The following PDE1C variants were observed in gnomAD, a reference collection of about 807,000 sequenced individuals.
The protein encoded by PDE1C is phosphodiesterase 1C.
Under a neutral mutation model 93.1 loss-of-function variants are expected in PDE1C, and 62 were observed. The observed-to-expected ratio is 0.67, with a 90% CI of 0.54 to 0.82. The LOEUF is 0.82. Among genes scored for constraint, PDE1C ranks in the 40% least tolerant of loss-of-function variants. The pLI, the probability that PDE1C is intolerant of heterozygous loss-of-function variation, is 0.00. For synonymous variants in PDE1C, 325 were observed against 310.1 expected, an observed-to-expected ratio of 1.05 and a Z score of -0.50; for missense variants, 742 against 884.6, an observed-to-expected ratio of 0.84 and a Z score of 2.04.
chr7:32,200,396 G>C (rs1417925369), intron 2 of PDE1C, among the ~76,000 whole-genome samples: 2 of 152,196 alleles, frequency 1.3e-5, no homozygotes, highest in East Asian at 1.9e-4. Context: ...CTTTCAGGTA[G>C]TTTCAATTGC....
At chr7:32,172,884 T>C (rs1232356286) in intron 2 of PDE1C, among the ~76,000 whole-genome samples, 1 of 112,852 alleles carries the variant, frequency 8.9e-6, no homozygotes, top group Non-Finnish European at 1.9e-5. Context: ...TGTGGAGAAA[T>C]AGGAACACTT....
At chr7:32,202,721 G>T (rs1429801415) in intron 2 of PDE1C, among the ~76,000 whole-genome samples, 1 of 152,144 alleles carries the variant, frequency 6.6e-6, no homozygotes, top group African/African-American at 2.4e-5. Flanking sequence ...ATGTGTCACA[G>T]GTCACTGGGG....
chr7:32,174,946 T>A (rs559976826), intron 2 of PDE1C, among the ~76,000 whole-genome samples: 1 of 152,268 alleles, frequency 6.6e-6, no homozygotes, highest in East Asian at 1.9e-4. Flanking sequence ...AACTACAAAT[T>A]CATCTAAAAC....
chr7:32,252,035 T>C (rs1809432847), intron 1 of PDE1C, among the ~76,000 whole-genome samples: 2 of 152,210 alleles, frequency 1.3e-5, no homozygotes. Flanking sequence ...CACCTCTCTA[T>C]AGAGCCAGGA....
At chr7:32,157,018 T>C (rs993621727) in intron 3 of PDE1C, among the ~76,000 whole-genome samples, 4 of 152,218 alleles carry the variant, frequency 2.6e-5, no homozygotes, top group Admixed American at 2.0e-4. Context: ...GTGTCACTTA[T>C]GTAGTATCCC....
chr7:32,346,822 G>T (rs1585119522), intron 1 of PDE1C, among the ~76,000 whole-genome samples: 2 of 152,286 alleles, frequency 1.3e-5, no homozygotes, highest in East Asian at 3.9e-4. Context: ...GGTAAAAGAA[G>T]TCAGAGTCAA....
chr7:31,659,091 A>G, the PDE1C span, among the ~76,000 whole-genome samples: 189 of 152,246 alleles, frequency 1.2e-3, no homozygotes, highest in African/African-American at 4.4e-3. Context: ...ATATTTTATA[A>G]CTGTGTAGTT....
At chr7:31,711,369 C>T in the PDE1C span, among the ~76,000 whole-genome samples, 1 of 152,180 alleles carries the variant, frequency 6.6e-6, no homozygotes, top group Non-Finnish European at 1.5e-5. Context: ...TTTCCCATTT[C>T]ATCTCATTTG....
rs2072425 is a variant in PDE1C at position 31,864,729 on chromosome 7, G to A, written c.750+213C>T. Among the ~76,000 whole-genome samples the A allele has an allele frequency of 0.1, 15,339 of 152,088 alleles. 1,106 individuals carry two copies. The highest frequency in any genetic ancestry group is 0.25 in the East Asian group (1,291 of 5,172). ...CAGTGAAGACGCAAATCACTACTAG[G>A]TATTTATCTCATCAGGCTCAGGATG... On this transcript the variant is annotated intron_variant, in intron 7 of 17. Coordinates refer to ENST00000396191, the MANE Select transcript of PDE1C (RefSeq NM_001191057.4).
At chr7:31,727,153 C>A in the PDE1C span, among the ~76,000 whole-genome samples, 4 of 152,130 alleles carry the variant, frequency 2.6e-5, no homozygotes, top group African/African-American at 9.7e-5. Context: ...CCAAATAATT[C>A]ATCACAAGCC....
the PDE1C span, among the ~76,000 whole-genome samples, chr7:31,662,243 T>G: frequency 6.6e-6 from 1 of 152,252 alleles, no homozygotes; most frequent in Non-Finnish European, 1.5e-5. Flanking sequence ...TCCGCTAAAA[T>G]GTCCTTAAAT....
At chr7:32,133,086 T>C (rs1395711652) in intron 3 of PDE1C, among the ~76,000 whole-genome samples, 1 of 152,124 alleles carries the variant, frequency 6.6e-6, no homozygotes, top group Non-Finnish European at 1.5e-5. Flanking sequence ...AATAAAAAAG[T>C]TGAATATTTG....
At chr7:31,703,977 T>C in the PDE1C span, among the ~76,000 whole-genome samples, 5 of 152,190 alleles carry the variant, frequency 3.3e-5, no homozygotes, top group Admixed American at 1.3e-4. Context: ...GCAGAAAGCA[T>C]TGGTTCTGAC....
At chr7:32,003,589 A>G (rs1163577890) in intron 2 of PDE1C, among the ~76,000 whole-genome samples, 3 of 152,340 alleles carry the variant, frequency 2.0e-5, no homozygotes, top group African/African-American at 4.8e-5. Context: ...GGAGTTAATT[A>G]CTTCATTACA....
the PDE1C span, among the ~76,000 whole-genome samples, chr7:31,630,845 A>C: frequency 3.4e-4 from 52 of 152,282 alleles, no homozygotes; most frequent in Middle Eastern, 3.4e-3. Flanking sequence ...ATGAAAACAA[A>C]AAGAAAACAG....
At chr7:31,625,715 A>G in the PDE1C span, among the ~76,000 whole-genome samples, 1 of 152,196 alleles carries the variant, frequency 6.6e-6, no homozygotes. Context: ...TGTCACATGT[A>G]TACATATGTA....
In PDE1C at chr7:32,070,332, G is replaced by A. The variant is rs755227310; in HGVS notation, c.62C>T (p.Pro21Leu). 7 of 1,614,086 alleles carry A rather than the reference G, an allele frequency of 4.3e-6. No homozygotes were observed. The highest frequency in any genetic ancestry group is 4.5e-5 in the East Asian group (2 of 44,886). Residue 21 changes from proline (P) to leucine (L), a missense_variant, in exon 1 of 18, where the codon CCG (proline) becomes CTG (leucine). Transcript: ENST00000396191. ...FESNSLKYLQPEQIEKIWLRL... is the reference protein window; with the variant it reads ...FESNSLKYLQLEQIEKIWLRL... ...AAGCCAGATTTTCTCGATCTGTTCC[G>A]GTTGCAGGTATTTCAGAGAGTTGCT...
chr7:32,343,451 G>A (rs1041549215), intron 1 of PDE1C, among the ~76,000 whole-genome samples: 1 of 152,164 alleles, frequency 6.6e-6, no homozygotes, highest in Non-Finnish European at 1.5e-5. Context: ...AAACACCAAA[G>A]GTGAGCCCAG....
At chr7:32,161,235 T>A (rs1317514741) in intron 3 of PDE1C, among the ~76,000 whole-genome samples, 4 of 152,096 alleles carry the variant, frequency 2.6e-5, no homozygotes, top group Non-Finnish European at 5.9e-5. Flanking sequence ...AAGAATAATG[T>A]GGGATGTGCT....
Sources: gnomAD v4.1 joint callset for allele counts (sites outside exome capture counted in the v4.1 genomes callset) on GRCh38, gnomAD v4.1.1 for gene constraint, MANE v1.5 for transcripts, NCBI Gene and HGNC (gene_info 2026-07-23, HGNC 2026-07-21) for gene names.